The following TK2 variants were observed in gnomAD, a reference collection of about 807,000 sequenced individuals.
TK2 encodes the protein thymidine kinase 2, mitochondrial.
A neutral mutation model predicts 41.9 loss-of-function variants in TK2; 35 were observed. That is an observed-to-expected ratio of 0.84 (90% CI 0.64 to 1.11). The LOEUF (loss-of-function observed/expected upper bound fraction) is 1.11. TK2 is among the 50% of genes least tolerant of loss of function. The pLI is 0.00. For synonymous variants in TK2, 128 were observed against 129.1 expected (o/e 0.99, Z 0.06); for missense variants, 320 against 351.1 (o/e 0.91, Z 0.71).
At position 66,517,072 on chromosome 16, in the gene TK2, G is replaced by A. The variant is rs1964637197; in HGVS notation, c.618+64C>T. The A allele has an allele frequency of 2.1e-6, 3 of 1,446,948 alleles. No homozygotes were observed. Among genetic ancestry groups the A allele is most frequent in the Non-Finnish European group, 2.9e-6 (3 of 1,027,842 alleles). The allele number at this position is 1,446,948 out of a possible 1,614,324, so 89.6% of individuals were successfully genotyped here. ...TCTCATGGGGGTGGGGCCGGGAGAG[G>A]AAGCCGGGTTGGACAGAGGTGGTTT... is the stretch of plus-strand genomic sequence containing the variant. On this transcript the variant is annotated intron_variant, in intron 8 of 9. Coordinates refer to ENST00000544898, the MANE Select transcript of TK2 (RefSeq NM_004614.5). The surrounding 1 kb of genome is among the most constrained non-coding windows in gnomAD (Gnocchi z 4.3).
intron 4 of TK2, among the ~76,000 whole-genome samples, chr16:66,532,596 C>A (rs977659774): frequency 1.3e-5 from 2 of 150,656 alleles, no homozygotes; most frequent in East Asian, 3.9e-4. Flanking sequence ...CAGAGTGAGA[C>A]CCTGTCTCGA....
chr16:66,526,900 T>C (rs1403947626), intron 6 of TK2, among the ~76,000 whole-genome samples: 1 of 152,254 alleles, frequency 6.6e-6, no homozygotes, highest in African/African-American at 2.4e-5. Context: ...ACAGTTCTTT[T>C]TTTGAGACGG....
At chr16:66,537,176 G>T (rs1414067378) in intron 3 of TK2, among the ~76,000 whole-genome samples, 159 bp from the exon 4 acceptor site, 6 of 152,152 alleles carry the variant, frequency 3.9e-5, no homozygotes, top group African/African-American at 1.2e-4. Flanking sequence ...GACAACCCCC[G>T]TGAGGTCACA....
At chr16:66,529,162 TTTGCTG>T in intron 5 of TK2, 95 bp from the exon 6 acceptor site, 3 of 1,180,560 alleles carry the variant, frequency 2.5e-6, no homozygotes, top group Non-Finnish European at 3.8e-6. Flanking sequence ...GCCTGGGGAC[TTTGCTG>T]AATATGAGAA....
Position 66,517,930 on chromosome 16 carries a change from T to C in TK2, c.450-53A>G, listed in dbSNP as rs1964665318. 2.7e-6 allele frequency: 4 copies of C among 1,461,938 alleles called. No individual in the cohort carries two copies. In the Middle Eastern group the frequency reaches 5.2e-4, roughly 189 times the overall value. The allele number at this position is 1,461,938 out of a possible 1,614,324, so 90.6% of individuals were successfully genotyped here. A position where few individuals can be genotyped will look rare whatever the true frequency, so the allele number is the denominator to read the frequency against. ...CACCTAAGAGAAAACTTCTGGGCTA[T>C]GCAATTCCCCCAAAAGGATCTTGAG... On this transcript the variant is annotated intron_variant, in intron 6 of 9. Coordinates refer to ENST00000544898, the MANE Select transcript of TK2 (RefSeq NM_004614.5). The surrounding 1 kb of genome is among the most constrained non-coding windows in gnomAD (Gnocchi z 4.3).
At chr16:66,542,138 C>A (rs1287353248) in intron 2 of TK2, among the ~76,000 whole-genome samples, 185 bp from the exon 3 acceptor site, 1 of 152,124 alleles carries the variant, frequency 6.6e-6, no homozygotes, top group Non-Finnish European at 1.5e-5. Flanking sequence ...ACAGATAAGC[C>A]GATCCTCCCT....
chr16:66,520,561 G>A (rs1184817184), intron 6 of TK2, among the ~76,000 whole-genome samples: 3 of 152,188 alleles, frequency 2.0e-5, no homozygotes, highest in African/African-American at 7.2e-5. Flanking sequence ...AGATACTTCC[G>A]CACGCTTAGG....
At chr16:66,546,605 T>C (rs927921123) in intron 2 of TK2, 2 of 152,118 alleles carry the variant, frequency 1.3e-5, no homozygotes, top group African/African-American at 2.4e-5. Context: ...CATATACTTT[T>C]GTTGGTTTTG....
chr16:66,538,998 C>T (rs1288313389), intron 3 of TK2, among the ~76,000 whole-genome samples: 1 of 152,156 alleles, frequency 6.6e-6, no homozygotes, highest in Non-Finnish European at 1.5e-5. Flanking sequence ...ATGGTACCTA[C>T]TTCAGAGGGA....
At chr16:66,515,029 G>A (rs1045706324) in intron 8 of TK2, among the ~76,000 whole-genome samples, 5 of 152,082 alleles carry the variant, frequency 3.3e-5, no homozygotes, top group East Asian at 3.9e-4. Context: ...CAAACACTGC[G>A]GAAGGCGGCA....
intron 2 of TK2, among the ~76,000 whole-genome samples, chr16:66,544,449 C>T (rs1054814916): frequency 5.9e-5 from 9 of 152,196 alleles, no homozygotes; most frequent in African/African-American, 1.9e-4. Flanking sequence ...CTATACAGTC[C>T]TCATCTTTGA....
Position 66,516,194 on chromosome 16 carries a change from G to C in TK2, c.618+942C>G, listed in dbSNP as rs538853166. 1.6e-4 allele frequency among the ~76,000 whole-genome samples: 25 copies of C among 152,254 alleles called. 1 individual carries two copies. The South Asian group carries it at 4.1e-3, about 25-fold the overall frequency. On this transcript the variant is annotated intron_variant, in intron 8 of 9. Coordinates refer to ENST00000544898, the MANE Select transcript of TK2 (RefSeq NM_004614.5). Reference sequence around the variant, plus strand: ...ACAGAAAGCCAGGGGGTGGGTTTGGGGGGGGTTACAATGGAAGGAAGGTCA... The same window carrying C: ...ACAGAAAGCCAGGGGGTGGGTTTGGCGGGGGTTACAATGGAAGGAAGGTCA...
At chr16:66,536,346 G>A (rs144016632) in intron 4 of TK2, among the ~76,000 whole-genome samples, 16 of 152,120 alleles carry the variant, frequency 1.1e-4, no homozygotes, top group Admixed American at 1.0e-3. Flanking sequence ...TGGGAGCTCA[G>A]AACCAACATC....
intron 4 of TK2, among the ~76,000 whole-genome samples, chr16:66,535,206 G>A (rs532011705): frequency 8.7e-4 from 132 of 152,254 alleles, no homozygotes; most frequent in African/African-American, 2.5e-3. Flanking sequence ...CAAAAGTATC[G>A]ATCTTTCTTT....
At chr16:66,535,910 A>C (rs1232075405) in intron 4 of TK2, among the ~76,000 whole-genome samples, 2 of 152,206 alleles carry the variant, frequency 1.3e-5, no homozygotes, top group Non-Finnish European at 2.9e-5. Context: ...TGTTGCTAAA[A>C]ATCAGAGGGC....
At chr16:66,529,493 A>C (rs1965042223) in intron 5 of TK2, among the ~76,000 whole-genome samples, 1 of 152,350 alleles carries the variant, frequency 6.6e-6, no homozygotes, top group South Asian at 2.1e-4. Flanking sequence ...GACCACATGC[A>C]TGAGGTACAG....
intron 4 of TK2, among the ~76,000 whole-genome samples, chr16:66,531,820 A>G (rs1965123312): frequency 6.6e-6 from 1 of 152,218 alleles, no homozygotes; most frequent in South Asian, 2.1e-4. Flanking sequence ...TTAAAGACTC[A>G]GGCCATTATC....
At chr16:66,532,387 C>T (rs553594654) in intron 4 of TK2, among the ~76,000 whole-genome samples, 1 of 152,144 alleles carries the variant, frequency 6.6e-6, no homozygotes, top group Admixed American at 6.5e-5. Flanking sequence ...GCAGATCACT[C>T]AAGGCCAGGA....
chr16:66,513,702 C>A, intron 9 of TK2, 29 bp downstream of exon 9: 2 of 1,606,732 alleles, frequency 1.2e-6, no homozygotes, highest in Non-Finnish European at 1.7e-6. Flanking sequence ...CTAGAACAGT[C>A]TCGTACCCTG....
Sources: allele counts gnomAD v4.1 joint callset (sites outside exome capture counted in the v4.1 genomes callset), GRCh38; gene constraint gnomAD v4.1.1; non-coding constraint Gnocchi (gnomAD v3.1); transcripts MANE v1.5; gene names NCBI Gene and HGNC (gene_info 2026-07-23, HGNC 2026-07-21).